Variants in SAMSN1 observed in about 807,000 individuals in gnomAD.
SAMSN1 encodes SAM domain, SH3 domain and nuclear localization signals 1, also known as SAM domain-containing protein SAMSN-1.
Under a neutral mutation model 42.0 loss-of-function variants are expected in SAMSN1, and 31 were observed. The ratio of observed to expected loss-of-function variants is 0.74; its 90% CI spans 0.55 to 1.00. SAMSN1 has a LOEUF of 1.00. Ranked by LOEUF, SAMSN1 falls within the 50% of genes least tolerant of loss-of-function variation. The pLI is 0.00. For missense variants in SAMSN1, 464 were observed against 439.4 expected (o/e 1.06, Z -0.50); for synonymous variants, 178 against 151.9 (o/e 1.17, Z -1.26).
chr21:14,568,285 T>C (rs1327504078), intron 2 of SAMSN1, among the ~76,000 whole-genome samples: 1 of 152,212 alleles, frequency 6.6e-6, no homozygotes, highest in Non-Finnish European at 1.5e-5. Flanking sequence ...GAGTTCCCTA[T>C]ATCCCCCTCA....
chr21:14,582,431 T>C (rs1192651658), exon 2 of SAMSN1: 1 of 1,542,248 alleles, frequency 6.5e-7, no homozygotes, highest in South Asian at 1.2e-5. Context: ...ACTATTCACT[T>C]TCTTTTCTCG....
chr21:14,500,183 T>C (rs1568768244), intron 6 of SAMSN1, among the ~76,000 whole-genome samples: 1 of 152,174 alleles, frequency 6.6e-6, no homozygotes, highest in Non-Finnish European at 1.5e-5. Flanking sequence ...TTTCACTTTT[T>C]TAGACTTACT....
intron 2 of SAMSN1, among the ~76,000 whole-genome samples, chr21:14,552,787 T>C (rs908297062): frequency 6.6e-6 from 1 of 152,166 alleles, no homozygotes; most frequent in Non-Finnish European, 1.5e-5. Context: ...AATTTCTATT[T>C]CTAAAGAGCG....
intron 1 of SAMSN1, among the ~76,000 whole-genome samples, chr21:14,582,838 AT>A (rs893866649): frequency 7.5e-6 from 1 of 133,626 alleles, no homozygotes; most frequent in Non-Finnish European, 1.5e-5. Context: ...ATTCTTAAAT[AT>A]TTTTTTAATT....
chr21:14,507,122 G>GA (rs1987448631), intron 5 of SAMSN1, among the ~76,000 whole-genome samples: 1 of 152,112 alleles, frequency 6.6e-6, no homozygotes, highest in Non-Finnish European at 1.5e-5. Flanking sequence ...TTCCCTTTGA[G>GA]AACTGGAACA....
chr21:14,556,854 G>T (rs1980777758), intron 2 of SAMSN1, among the ~76,000 whole-genome samples: 1 of 152,106 alleles, frequency 6.6e-6, no homozygotes, highest in African/African-American at 2.4e-5. Context: ...CATAACATTT[G>T]CAGCCATGTT....
exon 1 of SAMSN1, chr21:14,658,751 C>T (rs767724370): frequency 5.9e-5 from 42 of 715,224 alleles, no homozygotes; most frequent in South Asian, 5.0e-4. Flanking sequence ...AACTTACCAG[C>T]GAAATGCAGA....
In SAMSN1 at chr21:14,522,600, A is replaced by G. The variant is rs566476825; in HGVS notation, c.58-1379T>C. ...AGCAAAACCAGGTGTAACAAAATCCACTTTACCATAGGCTACTTGAAATCA... is the reference window on the plus strand; with the variant it reads ...AGCAAAACCAGGTGTAACAAAATCCGCTTTACCATAGGCTACTTGAAATCA... On this transcript the variant is annotated intron_variant, in intron 1 of 7. Coordinates refer to ENST00000400566, the MANE Select transcript of SAMSN1 (RefSeq NM_022136.5). Among the ~76,000 whole-genome samples, 3 of 152,280 alleles carry G rather than the reference A, an allele frequency of 2.0e-5. No individual in the cohort carries two copies. In the East Asian group the frequency reaches 5.8e-4, roughly 29 times the overall value.
chr21:14,598,007 G>T (rs1982320833), intron 6 of SAMSN1: 13 of 152,114 alleles, frequency 8.5e-5, no homozygotes, highest in Admixed American at 8.5e-4. Flanking sequence ...CTACTGGGGA[G>T]GCTGAGAATT....
intron 2 of SAMSN1, among the ~76,000 whole-genome samples, chr21:14,574,054 T>A (rs1981386699): frequency 6.6e-6 from 1 of 152,196 alleles, no homozygotes; most frequent in Non-Finnish European, 1.5e-5. Flanking sequence ...CCTTCAAATG[T>A]TCTAACATTC....
rs138121954 is a variant in SAMSN1, at chr21:14,655,716, G to T, written c.24+3032C>A. ...GACTGAATTATAAATAATTATATGA[G>T]CATTAGAAATAAGAGTAGGATGGCT... On this transcript the variant is annotated intron_variant, in intron 1 of 15. Transcript: ENST00000647101. 2.5e-3 allele frequency among the ~76,000 whole-genome samples: 381 copies of T among 151,772 alleles called. 1 individual carries two copies. The highest frequency in any genetic ancestry group is 9.0e-3 in the African/African-American group (375 of 41,482).
chr21:14,603,189 C>T (rs970543550), intron 5 of SAMSN1, among the ~76,000 whole-genome samples: 1 of 152,074 alleles, frequency 6.6e-6, no homozygotes, highest in African/African-American at 2.4e-5. Flanking sequence ...ATATTGCCTC[C>T]CCTCTTATTC....
chr21:14,487,867 G>T (rs1329925656), intron 7 of SAMSN1, among the ~76,000 whole-genome samples: 1 of 152,076 alleles, frequency 6.6e-6, no homozygotes, highest in Non-Finnish European at 1.5e-5. Flanking sequence ...TATTGTGATT[G>T]TTATTTTTAA....
At chr21:14,628,422 AAAT>A (rs1224338969) in intron 2 of SAMSN1, among the ~76,000 whole-genome samples, 1 of 152,162 alleles carries the variant, frequency 6.6e-6, no homozygotes, top group East Asian at 1.9e-4. Flanking sequence ...CTAAAATATG[AAAT>A]AATAAAATAA....
At chr21:14,582,431 T>G in exon 2 of SAMSN1, 4 of 1,542,248 alleles carry the variant, frequency 2.6e-6, no homozygotes, top group Non-Finnish European at 3.5e-6. Flanking sequence ...ACTATTCACT[T>G]TCTTTTCTCG....
intron 4 of SAMSN1, among the ~76,000 whole-genome samples, chr21:14,510,677 A>ACT (rs10661073): frequency 0.35 from 52,578 of 151,748 alleles, 9,205 homozygotes; most frequent in Middle Eastern, 0.4. Flanking sequence ...CAATCTGGCC[A>ACT]CTCTCCTCTA....
At chr21:14,519,097 T>A (rs1988042997) in intron 2 of SAMSN1, among the ~76,000 whole-genome samples, 2 of 152,164 alleles carry the variant, frequency 1.3e-5, no homozygotes, top group East Asian at 1.9e-4. Flanking sequence ...TGAATTAAAT[T>A]TCTATTTAAA....
At chr21:14,610,970 G>A (rs1260490407) in intron 4 of SAMSN1, among the ~76,000 whole-genome samples, 3 of 152,164 alleles carry the variant, frequency 2.0e-5, no homozygotes, top group Non-Finnish European at 4.4e-5. Flanking sequence ...CTGTTGCCCA[G>A]GTTGGAGTAC....
At chr21:14,638,936 A>G (rs551025517) in intron 2 of SAMSN1, among the ~76,000 whole-genome samples, 53 of 152,216 alleles carry the variant, frequency 3.5e-4, no homozygotes, top group Non-Finnish European at 5.9e-4. Flanking sequence ...GACTTTCTTT[A>G]GCTTGAGTAA....
Sources: allele counts gnomAD v4.1 joint callset (sites outside exome capture counted in the v4.1 genomes callset), GRCh38; gene constraint gnomAD v4.1.1; transcripts MANE v1.5; gene names NCBI Gene and HGNC (gene_info 2026-07-23, HGNC 2026-07-21).